The following STRIP1 variants were observed in gnomAD, a reference collection of about 807,000 sequenced individuals.
The protein encoded by STRIP1 is striatin interacting protein 1.
In STRIP1, 63 loss-of-function variants were observed where a neutral mutation model predicts 106.2. The ratio of observed to expected loss-of-function variants is 0.59; its 90% CI spans 0.48 to 0.73. STRIP1 has a LOEUF of 0.73. STRIP1 is among the 30% of genes least tolerant of loss of function. STRIP1 has a pLI of 0.00. For synonymous variants in STRIP1, 390 were observed against 413.0 expected, an observed-to-expected ratio of 0.94 and a Z score of 0.67; for missense variants, 857 against 1,074.8, an observed-to-expected ratio of 0.80 and a Z score of 2.83.
chr1:110,044,698 T>C lies in STRIP1; in HGVS notation c.1287-142T>C. ...TCTCTGAAAATTTCAGTTTTTTCCC[T>C]TTTTTCAAAGAGAAAAACAATTATA... On this transcript the variant is annotated intron_variant, in intron 10 of 20. Transcript: ENST00000369795. The C allele has an allele frequency of 1.2e-5, 10 of 804,684 alleles. No homozygotes were observed. The South Asian group carries it at 1.8e-4, about 14-fold the overall frequency. 49.8% of individuals were successfully genotyped at this position (804,684 alleles called of 1,614,324 possible).
intron 2 of STRIP1, 36 bp from the exon 3 acceptor site, chr1:110,038,647 C>T (rs760159322): frequency 9.5e-6 from 15 of 1,584,880 alleles, no homozygotes; most frequent in Non-Finnish European, 8.7e-6. Context: ...GCAATGCAGA[C>T]ATGGAACCAA....
upstream of STRIP1, chr1:110,034,480 C>A: frequency 2.6e-6 from 2 of 761,530 alleles, no homozygotes; most frequent in Non-Finnish European, 3.9e-6. Context: ...GGAAGGACTG[C>A]AGACAGAATA....
At position 110,050,460 on chromosome 1, in the gene STRIP1, G is replaced by A. The variant is rs545710448; in HGVS notation, c.1956+51G>A. The A allele has an allele frequency of 1.9e-6, 3 of 1,544,684 alleles. No homozygotes were observed. The South Asian group carries it at 3.4e-5, about 17-fold the overall frequency. On this transcript the variant is annotated intron_variant, in intron 18 of 20. Transcript: ENST00000369795. ...GTCCTTTTGGCACCAGGGTCAGTGG[G>A]TAGAGAGCCTGCCTACCCCAACACT...
intron 2 of STRIP1, 55 bp downstream of exon 2, chr1:110,038,015 A>T: frequency 9.9e-7 from 1 of 1,012,824 alleles, no homozygotes. Flanking sequence ...ATTGGTCTTT[A>T]ATAAAATTAA....
At chr1:110,051,100 G>C (rs764038431) in intron 19 of STRIP1, 40 bp downstream of exon 19, 1 of 1,360,822 alleles carries the variant, frequency 7.3e-7, no homozygotes, top group Non-Finnish European at 1.1e-6. Context: ...GGAACTTGGA[G>C]CTCAAAGAAG....
intron 5 of STRIP1, 88 bp from the exon 6 acceptor site, chr1:110,040,547 T>G: frequency 7.7e-7 from 1 of 1,291,976 alleles, no homozygotes; most frequent in Non-Finnish European, 1.1e-6. Flanking sequence ...TATCACAGCA[T>G]TTTGTTTCCC....
chr1:110,053,950 G>C lies in STRIP1; in HGVS notation c.*38G>C. On this transcript the variant is annotated 3_prime_UTR_variant, in exon 21 of 21. Coordinates refer to ENST00000369795, the MANE Select transcript of STRIP1 (RefSeq NM_033088.4). ...GGGGACTGAAATGGAGAGAAAAGAT[G>C]ATCTGAAGGTACCTGTGGGACTGTC... The C allele has an allele frequency of 1.9e-6, 3 of 1,610,280 alleles. No homozygotes were observed. Among genetic ancestry groups the C allele is most frequent in the Non-Finnish European group, 2.5e-6 (3 of 1,178,010 alleles).
chr1:110,034,928 C>G (rs1379808039), intron 1 of STRIP1, 111 bp downstream of exon 1: 17 of 1,097,748 alleles, frequency 1.5e-5, no homozygotes, highest in Admixed American at 4.1e-5. Context: ...TCGGTAGAGT[C>G]CGGCCGAGAA....
At chr1:110,051,189 T>C in intron 19 of STRIP1, 129 bp downstream of exon 19, 1 of 657,710 alleles carries the variant, frequency 1.5e-6, no homozygotes. Flanking sequence ...TATCCTTGCA[T>C]TTTAAGGGCC....
chr1:110,046,498 T>C (rs1653025340), intron 12 of STRIP1, among the ~76,000 whole-genome samples, 182 bp from the exon 13 acceptor site: 1 of 151,840 alleles, frequency 6.6e-6, no homozygotes, highest in Admixed American at 6.6e-5. Flanking sequence ...AGACTTCATC[T>C]CAAAAAAATA....
rs961696695 is a variant in STRIP1, at chr1:110,043,417, C to T, written c.1068+147C>T. 1.9e-5 allele frequency: 18 copies of T among 967,504 alleles called. No individual in the cohort carries two copies. In the African/African-American group the frequency reaches 2.8e-4, roughly 15 times the overall value. 59.9% of individuals were successfully genotyped at this position (967,504 alleles called of 1,614,324 possible). A position where few individuals can be genotyped will look rare whatever the true frequency, so the allele number is the denominator to read the frequency against. On this transcript the variant is annotated intron_variant, in intron 9 of 20. Coordinates refer to ENST00000369795, the MANE Select transcript of STRIP1 (RefSeq NM_033088.4). ...CCTCCACAGCGAGGATACTTTGTCCCCAGCTCTGGTCCAGTGTATGGTGAG... is the reference window on the plus strand; with the variant it reads ...CCTCCACAGCGAGGATACTTTGTCCTCAGCTCTGGTCCAGTGTATGGTGAG...
intron 19 of STRIP1, 67 bp downstream of exon 19, chr1:110,051,127 A>T: frequency 9.2e-7 from 1 of 1,083,534 alleles, no homozygotes; most frequent in Non-Finnish European, 1.4e-6. Context: ...GGGAGCAGGG[A>T]GTCCCCAGGG....
At chr1:110,040,267 C>T (rs1652693769) in intron 5 of STRIP1, among the ~76,000 whole-genome samples, 1 of 152,156 alleles carries the variant, frequency 6.6e-6, no homozygotes, top group Non-Finnish European at 1.5e-5. Flanking sequence ...TTGCAACCTC[C>T]ACCTCCCGGC....
Position 110,039,285 on chromosome 1 carries a change from G to A in STRIP1, c.439G>A (p.Ala147Thr), listed in dbSNP as rs746691062. The change falls in exon 4 of 21, where the codon GCA becomes ACA. Residue 147 changes from alanine to threonine, a missense_variant. Around this residue, in one of 2 missense-constraint regions of STRIP1, gnomAD observed 750 missense variants for 989.8 expected, o/e 0.76. Transcript: ENST00000369795. Reference sequence around the variant, plus strand: ...GGAGAAGAGACTCAAGGTGGCTCGAGCAATTCTCTATGTTGCTCAAGGTAT... The same window carrying A: ...GGAGAAGAGACTCAAGGTGGCTCGAACAATTCTCTATGTTGCTCAAGGTAT... ...AREKRLKVAR[A>T]ILYVAQGTFG... The A allele has an allele frequency of 3.7e-6, 6 of 1,614,168 alleles. No individual in the cohort carries two copies. In the South Asian group the frequency reaches 5.5e-5, roughly 15 times the overall value.
upstream of STRIP1, among the ~76,000 whole-genome samples, chr1:110,032,761 C>T (rs1226605617): frequency 1.3e-5 from 2 of 152,182 alleles, no homozygotes; most frequent in Non-Finnish European, 2.9e-5. Flanking sequence ...CAACCCAATG[C>T]TCCACTCTGG....
chr1:110,051,949 C>G, intron 20 of STRIP1, 62 bp downstream of exon 20: 1 of 1,550,528 alleles, frequency 6.4e-7, no homozygotes, highest in Non-Finnish European at 8.8e-7. Context: ...ACATCTTTCA[C>G]TCCCTGCCCG....
intron 2 of STRIP1, 131 bp downstream of exon 2, chr1:110,038,091 T>C (rs1432200496): frequency 4.3e-5 from 7 of 163,928 alleles, no homozygotes; most frequent in African/African-American, 1.9e-4. Context: ...TATATATATA[T>C]ATATATATAT....
Position 110,039,438 on chromosome 1 carries a change from G to C in STRIP1, c.504G>C (p.Trp168Cys), listed in dbSNP as rs1652650068. The change falls in exon 5 of 21, where the codon TGG becomes TGC. Residue 168 changes from tryptophan (W) to cysteine (C), a missense_variant. Transcript: ENST00000369795. ...GCTCGGAGGCAGAGGTGCAGTCCTG[G>C]ATGCGCTACAACATCTTTCTCCTCC... Reference protein sequence around the residue: ...ECSSEAEVQSWMRYNIFLLLE... With the variant: ...ECSSEAEVQSCMRYNIFLLLE... 3.7e-6 allele frequency: 6 copies of C among 1,613,912 alleles called. No individual in the cohort carries two copies. The highest frequency in any genetic ancestry group is 1.3e-5 in the African/African-American group (1 of 75,078).
chr1:110,047,410 G>T (rs915001595), intron 13 of STRIP1, 132 bp from the exon 14 acceptor site: 5 of 684,394 alleles, frequency 7.3e-6, no homozygotes, highest in Admixed American at 2.4e-5. Flanking sequence ...TGTGTTCAGG[G>T]TTTGCTGTTA....
Sources: gnomAD v4.1 joint callset for allele counts (sites outside exome capture counted in the v4.1 genomes callset) on GRCh38, gnomAD v4.1.1 for gene constraint, gnomAD v4.1.1 regional missense constraint, MANE v1.5 for transcripts, NCBI Gene and HGNC (gene_info 2026-07-23, HGNC 2026-07-21) for gene names.